DLGAP1: variants seen among roughly 807,000 people sequenced by gnomAD.
The protein encoded by DLGAP1 is DLG associated protein 1, also known as disks large-associated protein 1.
A neutral mutation model predicts 90.8 loss-of-function variants in DLGAP1; 11 were observed. That is an observed-to-expected ratio of 0.12 (90% CI 0.08 to 0.20). The LOEUF (loss-of-function observed/expected upper bound fraction) is 0.20, where lower values mean the gene tolerates loss of function less well. Among genes scored for constraint, DLGAP1 ranks in the 10% least tolerant of loss-of-function variants. The pLI is 1.00. For missense variants in DLGAP1, 1,050 were observed against 1,333.8 expected (o/e 0.79, Z 3.31); for synonymous variants, 558 against 540.7 (o/e 1.03, Z -0.44).
chr18:3,920,221 T>C (rs8085236), intron 3 of DLGAP1, among the ~76,000 whole-genome samples: 12,718 of 151,872 alleles, frequency 0.084, 835 homozygotes, highest in African/African-American at 0.18. Flanking sequence ...TGCATGCCTG[T>C]AGTCCTAGCT....
At chr18:3,560,279 T>C (rs571706750) in intron 9 of DLGAP1, among the ~76,000 whole-genome samples, 1 of 151,512 alleles carries the variant, frequency 6.6e-6, no homozygotes, top group Non-Finnish European at 1.5e-5. Context: ...ATTAGCTGGG[T>C]GTGGTGGTGT....
chr18:4,453,164 G>C (rs1037473868), intron 1 of DLGAP1, among the ~76,000 whole-genome samples: 1 of 152,110 alleles, frequency 6.6e-6, no homozygotes, highest in African/African-American at 2.4e-5. Context: ...TTACATTTAA[G>C]TACTAAATCT....
At chr18:4,101,472 A>G (rs1259075083) in intron 2 of DLGAP1, among the ~76,000 whole-genome samples, 1 of 152,190 alleles carries the variant, frequency 6.6e-6, no homozygotes. Context: ...AAAAAGTTGA[A>G]AATATAATTG....
At chr18:4,267,205 T>C (rs555496091) in intron 1 of DLGAP1, among the ~76,000 whole-genome samples, 59 of 152,066 alleles carry the variant, frequency 3.9e-4, no homozygotes, top group African/African-American at 1.3e-3. Context: ...TGTGTATCTA[T>C]CTACCTATCT....
chr18:4,011,316 G>A (rs1309175283), intron 2 of DLGAP1, among the ~76,000 whole-genome samples: 2 of 152,108 alleles, frequency 1.3e-5, no homozygotes, highest in Non-Finnish European at 2.9e-5. Flanking sequence ...AGGCTCAAGG[G>A]GGGTGCAGCC....
rs142976360 is a variant in DLGAP1 at position 4,327,419 on chromosome 18, G to A, written c.-267+127587C>T. ...GCTCAATGTTTTTCACTTAATGAAG[G>A]TGTAAGTAATCAAGAGCTTTTAGAT... On this transcript the variant is annotated intron_variant, in intron 1 of 12. Coordinates refer to ENST00000315677, the MANE Select transcript of DLGAP1 (RefSeq NM_004746.4). 2.9e-3 allele frequency among the ~76,000 whole-genome samples: 444 copies of A among 151,894 alleles called. 2 individuals are homozygous for A. Among genetic ancestry groups the A allele is most frequent in the African/African-American group, 1.0e-2 (413 of 41,460 alleles).
chr18:4,269,348 ATATATATTTTTT>A (rs1568482263), intron 1 of DLGAP1, among the ~76,000 whole-genome samples: 2 of 133,490 alleles, frequency 1.5e-5, no homozygotes, highest in African/African-American at 6.3e-5. Context: ...ATATATATAT[ATATATATTTTTT>A]TTTTTCTTTT....
Position 3,728,902 on chromosome 18 carries a change from C to T in DLGAP1, c.1591+233G>A, listed in dbSNP as rs977647158. On this transcript the variant is annotated intron_variant, in intron 7 of 12. Coordinates refer to ENST00000315677, the MANE Select transcript of DLGAP1 (RefSeq NM_004746.4). ...CTGTGCTGTCCCTCCCTCATGGTGCCGTTGTTGCAGTTTCCCCTGTGGATG... is the reference window on the plus strand; with the variant it reads ...CTGTGCTGTCCCTCCCTCATGGTGCTGTTGTTGCAGTTTCCCCTGTGGATG... Among the ~76,000 whole-genome samples the T allele has an allele frequency of 2.8e-4, 43 of 152,202 alleles. 1 individual carries two copies. Among genetic ancestry groups the T allele is most frequent in the Admixed American group, 8.5e-4 (13 of 15,298 alleles).
At chr18:4,263,606 A>G (rs2145282432) in intron 1 of DLGAP1, among the ~76,000 whole-genome samples, 1 of 152,366 alleles carries the variant, frequency 6.6e-6, no homozygotes. Flanking sequence ...AGTTGAATAA[A>G]GGCAAGGCCT....
intron 1 of DLGAP1, among the ~76,000 whole-genome samples, chr18:4,425,765 GA>G (rs1598401646): frequency 1.3e-5 from 2 of 152,080 alleles, no homozygotes. Flanking sequence ...AGGTTAGAAA[GA>G]AAGAGGACAA....
chr18:3,551,176 T>TATATATATATATATATATATAC (rs1478108279), intron 9 of DLGAP1, among the ~76,000 whole-genome samples: 134 of 4,082 alleles, frequency 0.033, 2 homozygotes, highest in African/African-American at 0.042. Flanking sequence ...TATATATATA[T>TATATATATATATATATATATAC]ACACATACAT....
intron 3 of DLGAP1, among the ~76,000 whole-genome samples, chr18:3,884,875 A>G (rs1260208609): frequency 6.6e-6 from 1 of 152,178 alleles, no homozygotes; most frequent in African/African-American, 2.4e-5. Flanking sequence ...AGAAGGTCAT[A>G]AAAAATGGCA....
intron 3 of DLGAP1, among the ~76,000 whole-genome samples, chr18:3,991,877 T>C (rs961583501): frequency 6.6e-6 from 1 of 152,236 alleles, no homozygotes; most frequent in Non-Finnish European, 1.5e-5. Flanking sequence ...TATCTTGCCT[T>C]GACACGCTTT....
chr18:3,878,258 G>A (rs1030017289), intron 4 of DLGAP1: 1 of 151,746 alleles, frequency 6.6e-6, no homozygotes, highest in African/African-American at 2.4e-5. Flanking sequence ...GGAAAAATGT[G>A]CCTTGGGAAA....
intron 7 of DLGAP1, among the ~76,000 whole-genome samples, chr18:3,596,411 C>T (rs1378263797): frequency 1.3e-5 from 2 of 152,118 alleles, no homozygotes; most frequent in Non-Finnish European, 2.9e-5. Flanking sequence ...CTGTCTGCCT[C>T]GGCCTCCCAA....
At chr18:3,914,656 G>A (rs578154902) in intron 3 of DLGAP1, among the ~76,000 whole-genome samples, 1 of 152,296 alleles carries the variant, frequency 6.6e-6, no homozygotes, top group Admixed American at 6.5e-5. Context: ...TTCCATAGCA[G>A]CTGTACTATT....
At chr18:4,409,690 T>C (rs12456608) in intron 1 of DLGAP1, among the ~76,000 whole-genome samples, 72,572 of 151,956 alleles carry the variant, frequency 0.48, 17,394 homozygotes, top group Non-Finnish European at 0.49. Flanking sequence ...AATTTTTTCA[T>C]GTTTGTTGGC....
chr18:3,814,177 C>T lies in DLGAP1; in HGVS notation c.1054G>A (p.Gly352Arg), dbSNP rs1408353504. ...TCTGAGTCTCCACTGTCTTCATCCC[C>T]CATGGCCTTGATATAACTGCCACTC... ...MRSGSYIKAM[G>R]DEDSGDSDTS... is the part of the protein sequence containing the mutation. The change falls in exon 5 of 13, where the codon GGG becomes AGG. Residue 352 changes from glycine to arginine, a missense_variant. This residue lies in a region of DLGAP1 where 565 missense variants were observed against 879.7 expected (regional missense o/e 0.64). Transcript: ENST00000315677. 2 of 1,614,088 alleles carry T rather than the reference C, an allele frequency of 1.2e-6. No individual in the cohort carries two copies. The highest frequency in any genetic ancestry group is 1.7e-5 in the Admixed American group (1 of 60,012).
intron 10 of DLGAP1, among the ~76,000 whole-genome samples, chr18:3,529,294 C>T (rs1002245487): frequency 6.6e-6 from 1 of 152,134 alleles, no homozygotes; most frequent in Non-Finnish European, 1.5e-5. Context: ...AGCAAGAAGG[C>T]GCCATCTTTG....
Sources: gnomAD v4.1 joint callset for allele counts (sites outside exome capture counted in the v4.1 genomes callset) on GRCh38, gnomAD v4.1.1 for gene constraint, gnomAD v4.1.1 regional missense constraint, MANE v1.5 for transcripts, NCBI Gene and HGNC (gene_info 2026-07-23, HGNC 2026-07-21) for gene names.